Variants in LARP4B observed in about 807,000 individuals in gnomAD.
LARP4B encodes la-related protein 4B.
Under a neutral mutation model 89.8 loss-of-function variants are expected in LARP4B, and 12 were observed. The observed-to-expected ratio is 0.13, with a 90% CI of 0.09 to 0.22. The LOEUF (loss-of-function observed/expected upper bound fraction) is 0.22, where lower values mean the gene tolerates loss of function less well. LARP4B is among the 10% of genes least tolerant of loss of function. The pLI, the probability that LARP4B is intolerant of heterozygous loss-of-function variation, is 1.00. For missense variants in LARP4B, 757 were observed against 947.7 expected, an observed-to-expected ratio of 0.80 and a Z score of 2.64; for synonymous variants, 367 against 363.3, an observed-to-expected ratio of 1.01 and a Z score of -0.12.
intron 1 of LARP4B, among the ~76,000 whole-genome samples, chr10:912,308 GAAAAAAAAATCGCAAA>G (rs1564443332): frequency 7.1e-6 from 1 of 140,608 alleles, no homozygotes; most frequent in African/African-American, 2.6e-5. Context: ...GAAAAGAAAA[GAAAAAAAAATCGCAAA>G]AAAAAAAAAT....
chr10:875,145 C>T (rs1415703155), intron 3 of LARP4B, among the ~76,000 whole-genome samples: 4 of 152,162 alleles, frequency 2.6e-5, no homozygotes, highest in Non-Finnish European at 4.4e-5. Context: ...CGATTCATAC[C>T]AGCTGTAAAA....
chr10:899,575 A>C (rs1448369835), intron 1 of LARP4B, among the ~76,000 whole-genome samples: 1 of 152,216 alleles, frequency 6.6e-6, no homozygotes, highest in Non-Finnish European at 1.5e-5. Context: ...GTAACATTCA[A>C]ATATATGCAG....
intron 3 of LARP4B, among the ~76,000 whole-genome samples, chr10:874,775 T>C (rs1835392024): frequency 1.3e-5 from 2 of 152,190 alleles, no homozygotes; most frequent in African/African-American, 4.8e-5. Flanking sequence ...AGTTTAGGAA[T>C]TACACTTAAA....
chr10:949,576 G>T, the LARP4B span, among the ~76,000 whole-genome samples: 2 of 152,250 alleles, frequency 1.3e-5, no homozygotes, highest in Non-Finnish European at 2.9e-5. Flanking sequence ...CCGGGTGAGT[G>T]ATCTGCTCTC....
rs111889691 is a variant in LARP4B at position 874,234 on chromosome 10, C to CAAACAAAACA, written c.142-9974_142-9965dup. 2.6e-4 allele frequency among the ~76,000 whole-genome samples: 40 copies of CAAACAAAACA among 152,018 alleles called. 1 individual carries two copies. Among genetic ancestry groups the CAAACAAAACA allele is most frequent in the African/African-American group, 8.0e-4 (33 of 41,434 alleles). On this transcript the variant is annotated intron_variant, in intron 3 of 17. Transcript: ENST00000316157. ...GGGTGACAAGAGTGAGACTCCATCT[C>CAAACAAAACA]AAACAAAACAAAACAAAACAAAACA...
chr10:918,982 G>A (rs1391596106), intron 1 of LARP4B, among the ~76,000 whole-genome samples: 1 of 152,100 alleles, frequency 6.6e-6, no homozygotes, highest in East Asian at 1.9e-4. Flanking sequence ...TAGGGAGGCT[G>A]AGGCAGGAGA....
chr10:863,524 C>T (rs1212891458), intron 5 of LARP4B, among the ~76,000 whole-genome samples: 5 of 152,298 alleles, frequency 3.3e-5, no homozygotes, highest in East Asian at 3.9e-4. Flanking sequence ...CCCCCGCGCC[C>T]GGCCCAGGTT....
chr10:814,391 C>T lies in LARP4B; in HGVS notation c.1929+351G>A, dbSNP rs1009758247. 2.2e-5 allele frequency: 8 copies of T among 361,686 alleles called. No individual in the cohort carries two copies. Among genetic ancestry groups the T allele is most frequent in the Admixed American group, 8.3e-5 (2 of 24,040 alleles). The allele number at this position is 361,686 out of a possible 1,614,324, so 22.4% of individuals were successfully genotyped here. A position where few individuals can be genotyped will look rare whatever the true frequency, so the allele number is the denominator to read the frequency against. On this transcript the variant is annotated intron_variant, in intron 17 of 17. Coordinates refer to ENST00000316157, the MANE Select transcript of LARP4B (RefSeq NM_015155.3). The surrounding 1 kb of genome is among the most constrained non-coding windows in gnomAD (Gnocchi z 4.4). ...TCTTCCTGTCTCTTCATCAGACACACGATGCGCGCGCACGCACGCAAACAT... is the reference window on the plus strand; with the variant it reads ...TCTTCCTGTCTCTTCATCAGACACATGATGCGCGCGCACGCACGCAAACAT...
chr10:873,327 T>C (rs1252535442), intron 3 of LARP4B: 1 of 985,310 alleles, frequency 1.0e-6, no homozygotes, highest in East Asian at 1.1e-4. Flanking sequence ...AGAGCCCGAC[T>C]GACAGCCAGC....
intron 5 of LARP4B, among the ~76,000 whole-genome samples, chr10:847,841 T>C (rs1311728220): frequency 6.6e-6 from 1 of 152,028 alleles, no homozygotes; most frequent in Non-Finnish European, 1.5e-5. Context: ...ACATGAGACA[T>C]TAAAGTAACC....
At chr10:849,735 T>C (rs1833949234) in intron 5 of LARP4B, among the ~76,000 whole-genome samples, 1 of 152,190 alleles carries the variant, frequency 6.6e-6, no homozygotes, top group South Asian at 2.1e-4. Flanking sequence ...ACACCAACAG[T>C]GGTAAGTCAC....
chr10:893,787 A>G (rs1836108633), intron 1 of LARP4B, among the ~76,000 whole-genome samples: 1 of 152,194 alleles, frequency 6.6e-6, no homozygotes, highest in South Asian at 2.1e-4. Context: ...AGGGATTCCC[A>G]ATAGCCATGC....
the LARP4B span, among the ~76,000 whole-genome samples, chr10:985,011 G>T: frequency 6.6e-6 from 1 of 152,166 alleles, no homozygotes; most frequent in African/African-American, 2.4e-5. Flanking sequence ...CTCTCGGCTG[G>T]CAGTGCAAAA....
At chr10:900,199 T>C (rs1333164916) in intron 1 of LARP4B, among the ~76,000 whole-genome samples, 2 of 151,746 alleles carry the variant, frequency 1.3e-5, no homozygotes, top group Non-Finnish European at 2.9e-5. Flanking sequence ...ATACAAAACT[T>C]AGCCAGGAAT....
chr10:935,220 G>T (rs1476740381), upstream of LARP4B, among the ~76,000 whole-genome samples: 1 of 152,168 alleles, frequency 6.6e-6, no homozygotes, highest in East Asian at 1.9e-4. Context: ...CAGTTGACAG[G>T]TAAGTCCACA....
At chr10:858,375 T>C (rs1834414696) in intron 5 of LARP4B, among the ~76,000 whole-genome samples, 1 of 152,186 alleles carries the variant, frequency 6.6e-6, no homozygotes, top group Non-Finnish European at 1.5e-5. Context: ...ATCCATACTT[T>C]ATACCATATA....
Position 809,555 on chromosome 10 carries a change from A to G in LARP4B, c.*3371T>C, listed in dbSNP as rs1364955014. 1 of 152,410 alleles carries G rather than the reference A, an allele frequency of 6.6e-6. No individual in the cohort carries two copies. Among genetic ancestry groups the G allele is most frequent in the African/African-American group, 2.4e-5 (1 of 41,480 alleles). The allele number at this position is 152,410 out of a possible 1,614,324, so 9.4% of individuals were successfully genotyped here. On this transcript the variant is annotated 3_prime_UTR_variant, in exon 18 of 18. Transcript: ENST00000316157. ...TCAAAAGAAAAATTGAACAGTGCCT[A>G]AATCTTTATTTTCATAACCTACATT...
At chr10:831,561 G>A (rs537822196) in intron 8 of LARP4B, among the ~76,000 whole-genome samples, 5 of 152,288 alleles carry the variant, frequency 3.3e-5, no homozygotes, top group African/African-American at 9.6e-5. Flanking sequence ...GGAAACAACC[G>A]CCTGAGGGAT....
At chr10:981,107 C>A in the LARP4B span, among the ~76,000 whole-genome samples, 9 of 152,360 alleles carry the variant, frequency 5.9e-5, no homozygotes, top group African/African-American at 2.2e-4. Flanking sequence ...CAGGGCACGA[C>A]TAGAATGCAG....
Sources: allele counts gnomAD v4.1 joint callset (sites outside exome capture counted in the v4.1 genomes callset), GRCh38; gene constraint gnomAD v4.1.1; non-coding constraint Gnocchi (gnomAD v3.1); transcripts MANE v1.5; gene names NCBI Gene and HGNC (gene_info 2026-07-23, HGNC 2026-07-21).